ZER1: variants seen among roughly 807,000 people sequenced by gnomAD.
ZER1 encodes the protein zyg-11 related cell cycle regulator, also known as protein zer-1 homolog.
Under a neutral mutation model 78.8 loss-of-function variants are expected in ZER1, and 11 were observed. The observed-to-expected ratio is 0.14, with a 90% confidence interval of 0.09 to 0.23. ZER1 has a LOEUF of 0.23. ZER1 is among the 10% of genes least tolerant of loss of function. The pLI is 1.00. For synonymous variants in ZER1, 400 were observed against 407.0 expected, an observed-to-expected ratio of 0.98 and a Z score of 0.21; for missense variants, 588 against 996.9, an observed-to-expected ratio of 0.59 and a Z score of 5.52.
intron 13 of ZER1, among the ~76,000 whole-genome samples, chr9:128,738,879 T>C (rs942004006): frequency 1.5e-5 from 2 of 129,916 alleles, no homozygotes; most frequent in Non-Finnish European, 3.2e-5. Flanking sequence ...TGAGATGGAG[T>C]CTTGGTCTGT....
rs1444430669 is a variant in ZER1, at chr9:128,731,261, C to T, written c.*76G>A. The T allele has an allele frequency of 8.0e-6, 12 of 1,496,654 alleles. No individual in the cohort carries two copies. Among genetic ancestry groups the T allele is most frequent in the East Asian group, 2.3e-5 (1 of 43,480 alleles). 92.7% of individuals were successfully genotyped at this position (1,496,654 alleles called of 1,614,324 possible). ...GTGGGAGGCTCCCTCGGAAGGGGCC[C>T]GCCCGCTGGGCTGCTTGAGCATGCT... On this transcript the variant is annotated 3_prime_UTR_variant, in exon 16 of 16. Transcript: ENST00000291900.
rs1242837148 is a variant in ZER1 at position 128,753,006 on chromosome 9, G to A, written c.747-157C>T. Among the ~76,000 whole-genome samples, 1 of 152,296 alleles carries A rather than the reference G, an allele frequency of 6.6e-6. No individual in the cohort carries two copies. The highest frequency in any genetic ancestry group is 2.1e-4 in the South Asian group (1 of 4,832). On this transcript the variant is annotated intron_variant, in intron 4 of 15. Coordinates refer to ENST00000291900, the MANE Select transcript of ZER1 (RefSeq NM_006336.4). The surrounding 1 kb of genome is among the most constrained non-coding windows in gnomAD (Gnocchi z 7.5). ...AGAAACCCCAAACAGCCCCAATCCA[G>A]CTGAAACACTGGGTTTAAGGAATGG...
intron 13 of ZER1, among the ~76,000 whole-genome samples, chr9:128,737,514 C>T (rs902938774): frequency 3.4e-4 from 52 of 152,266 alleles, no homozygotes; most frequent in African/African-American, 1.2e-3. Flanking sequence ...AAAGTGACTC[C>T]GTCCTAAAAT....
At chr9:128,765,720 G>A (rs907097469) in intron 1 of ZER1, among the ~76,000 whole-genome samples, 9 of 152,192 alleles carry the variant, frequency 5.9e-5, no homozygotes, top group African/African-American at 1.9e-4. Flanking sequence ...GAGGCTAGAC[G>A]CTTTCCAGGA....
At chr9:128,737,215 C>T (rs183137203) in intron 13 of ZER1, among the ~76,000 whole-genome samples, 17 of 151,454 alleles carry the variant, frequency 1.1e-4, no homozygotes, top group Non-Finnish European at 2.1e-4. Context: ...AACTCCTGAG[C>T]TCAAGTGATC....
intron 5 of ZER1, among the ~76,000 whole-genome samples, chr9:128,752,297 C>G (rs192455887): frequency 9.9e-5 from 15 of 151,686 alleles, no homozygotes; most frequent in Admixed American, 9.9e-4. Context: ...CAGCACAGCA[C>G]TTGGCAGAGG....
In ZER1 at chr9:128,755,256, C is replaced by T; in HGVS notation, c.158+152G>A. ...TTACGGTTATGGATACACCACTATT[C>T]TCTTGCAGCCATGAACATCCATGTG... On this transcript the variant is annotated intron_variant, in intron 2 of 15. Transcript: ENST00000291900. This position sits in a 1 kb window ranked among gnomAD's most constrained non-coding sequence, Gnocchi z 5.6. 8.5e-7 allele frequency: 1 copy of T among 1,171,132 alleles called. No individual in the cohort carries two copies. The highest frequency in any genetic ancestry group is 1.2e-6 in the Non-Finnish European group (1 of 807,826). The allele number at this position is 1,171,132 out of a possible 1,614,324, so 72.5% of individuals were successfully genotyped here.
chr9:128,753,120 GC>G lies in ZER1; in HGVS notation c.746+43del, dbSNP rs1863735878. 2 of 1,481,074 alleles carry G rather than the reference GC, an allele frequency of 1.4e-6. No individual in the cohort carries two copies. The highest frequency in any genetic ancestry group is 9.0e-7 in the Non-Finnish European group (1 of 1,113,682). 91.7% of individuals were successfully genotyped at this position (1,481,074 alleles called of 1,614,324 possible). On this transcript the variant is annotated intron_variant, in intron 4 of 15. Coordinates refer to ENST00000291900, the MANE Select transcript of ZER1 (RefSeq NM_006336.4). The surrounding 1 kb of genome is among the most constrained non-coding windows in gnomAD (Gnocchi z 7.5). ...CACCCACCTCTACTCCTCCCCACCTGCCCCCCAAACCCCACCCTGGTGAGCT... is the reference window on the plus strand; with the variant it reads ...CACCCACCTCTACTCCTCCCCACCTGCCCCCAAACCCCACCCTGGTGAGCT...
intron 8 of ZER1, among the ~76,000 whole-genome samples, chr9:128,745,599 C>T (rs1160967814): frequency 6.6e-6 from 1 of 151,960 alleles, no homozygotes; most frequent in African/African-American, 2.4e-5. Flanking sequence ...TCAGATGATC[C>T]ACCCGCCTCA....
intron 13 of ZER1, among the ~76,000 whole-genome samples, chr9:128,738,628 G>A (rs1349151223): frequency 2.0e-5 from 3 of 151,504 alleles, no homozygotes; most frequent in African/African-American, 7.3e-5. Context: ...CTCATGATCC[G>A]CCCGCCTCTG....
In ZER1 at chr9:128,753,734, G is replaced by A; in HGVS notation, c.309+75C>T. Reference sequence around the variant, plus strand: ...GGTGCACACTGGCTGGGCTGGGGATGGCTGGGCTGGAGGCGAGCAGCCTGG... The same window carrying A: ...GGTGCACACTGGCTGGGCTGGGGATAGCTGGGCTGGAGGCGAGCAGCCTGG... On this transcript the variant is annotated intron_variant, in intron 3 of 15. Transcript: ENST00000291900. This position sits in a 1 kb window ranked among gnomAD's most constrained non-coding sequence, Gnocchi z 7.5. 1 of 1,563,880 alleles carries A rather than the reference G, an allele frequency of 6.4e-7. No individual in the cohort carries two copies. Among genetic ancestry groups the A allele is most frequent in the Non-Finnish European group, 8.7e-7 (1 of 1,154,570 alleles).
chr9:128,740,065 G>C lies in ZER1; in HGVS notation c.1908C>G (p.Gly636=). Residue 636 remains glycine, a synonymous_variant, in exon 13 of 16, where the codon GGC becomes GGG. Coordinates refer to ENST00000291900, the MANE Select transcript of ZER1 (RefSeq NM_006336.4). This position sits in a 1 kb window ranked among gnomAD's most constrained non-coding sequence, Gnocchi z 4.4. ...CATCAAACATGATGTGGGAGAGGAC[G>C]CCGCAGGCATTGTAGGAAACCTCGA... ...DGIEVSYNAC[G]VLSHIMFDGP... is the part of the protein sequence containing the mutation. The C allele has an allele frequency of 6.2e-7, 1 of 1,613,726 alleles. No individual in the cohort carries two copies.
Position 128,753,766 on chromosome 9 carries a change from C to A in ZER1, c.309+43G>T. On this transcript the variant is annotated intron_variant, in intron 3 of 15. Transcript: ENST00000291900. This position sits in a 1 kb window ranked among gnomAD's most constrained non-coding sequence, Gnocchi z 7.5. Reference sequence around the variant, plus strand: ...CTGGAGGCGAGCAGCCTGGCCCCTGCTTGGTGTGGGCCCTCCTGGCGCTGT... The same window carrying A: ...CTGGAGGCGAGCAGCCTGGCCCCTGATTGGTGTGGGCCCTCCTGGCGCTGT... The A allele has an allele frequency of 6.3e-7, 1 of 1,590,544 alleles. No individual in the cohort carries two copies. The highest frequency in any genetic ancestry group is 8.6e-7 in the Non-Finnish European group (1 of 1,166,966).
intron 8 of ZER1, among the ~76,000 whole-genome samples, chr9:128,750,041 C>G (rs1863624162): frequency 6.6e-6 from 1 of 152,092 alleles, no homozygotes; most frequent in African/African-American, 2.4e-5. Context: ...GAAACTCCAT[C>G]TCAAAAAAGA....
intron 1 of ZER1, among the ~76,000 whole-genome samples, chr9:128,767,796 C>T (rs1864262654): frequency 6.6e-6 from 1 of 152,138 alleles, no homozygotes; most frequent in African/African-American, 2.4e-5. Context: ...TGCTGGTAAC[C>T]ACTCCGTGGC....
chr9:128,737,143 CA>C (rs1015455632), intron 13 of ZER1, among the ~76,000 whole-genome samples: 3 of 149,208 alleles, frequency 2.0e-5, no homozygotes, highest in African/African-American at 4.9e-5. Context: ...GACTCCGTCT[CA>C]AAAAAAAAAT....
intron 1 of ZER1, among the ~76,000 whole-genome samples, chr9:128,758,991 T>C (rs544827935): frequency 3.9e-5 from 6 of 152,044 alleles, no homozygotes; most frequent in Admixed American, 2.6e-4. Context: ...GTGTACTTTT[T>C]CAAGTGAATT....
chr9:128,744,482 CCTT>C (rs1863419378), intron 8 of ZER1, among the ~76,000 whole-genome samples: 1 of 144,808 alleles, frequency 6.9e-6, no homozygotes, highest in South Asian at 2.1e-4. Context: ...CCGTGCAGGG[CCTT>C]TTTTTTTTTT....
At chr9:128,735,208 G>T in intron 14 of ZER1, 126 bp downstream of exon 14, 1 of 849,304 alleles carries the variant, frequency 1.2e-6, no homozygotes, top group Non-Finnish European at 1.8e-6. Flanking sequence ...AAAGTGGAGG[G>T]TTCTGCTCTG....
Sources: allele counts gnomAD v4.1 joint callset (sites outside exome capture counted in the v4.1 genomes callset), GRCh38; gene constraint gnomAD v4.1.1; non-coding constraint Gnocchi (gnomAD v3.1); transcripts MANE v1.5; gene names NCBI Gene and HGNC (gene_info 2026-07-23, HGNC 2026-07-21).